The following DMXL1 variants were observed in gnomAD, a reference collection of about 807,000 sequenced individuals.
DMXL1 encodes dmX-like protein 1.
Under a neutral mutation model 319.2 loss-of-function variants are expected in DMXL1, and 99 were observed. The ratio of observed to expected loss-of-function variants is 0.31; its 90% CI spans 0.26 to 0.37. The LOEUF is 0.37. Ranked by LOEUF, DMXL1 falls within the 10% of genes least tolerant of loss-of-function variation. DMXL1 has a pLI of 1.00. For synonymous variants in DMXL1, 1,385 were observed against 1,235.2 expected, an observed-to-expected ratio of 1.12 and a Z score of -2.54; for missense variants, 3,745 against 3,595.6, an observed-to-expected ratio of 1.04 and a Z score of -1.06.
intron 39 of DMXL1, among the ~76,000 whole-genome samples, chr5:119,234,512 GCT>G (rs1787367279): frequency 6.6e-6 from 1 of 151,976 alleles, no homozygotes; most frequent in Non-Finnish European, 1.5e-5. Flanking sequence ...TTATCACATG[GCT>G]CTATTTTCAT....
chr5:119,082,020 T>TACACACACACAC (rs565047535), intron 1 of DMXL1, among the ~76,000 whole-genome samples: 1 of 108,162 alleles, frequency 9.2e-6, no homozygotes, highest in Non-Finnish European at 1.7e-5. Flanking sequence ...TATATATATA[T>TACACACACACAC]ACACACACAC....
chr5:119,143,050 G>A (rs1412286373), intron 13 of DMXL1, among the ~76,000 whole-genome samples: 1 of 151,952 alleles, frequency 6.6e-6, no homozygotes, highest in Non-Finnish European at 1.5e-5. Context: ...CCAAAGAATG[G>A]AAAAACAGAC....
intron 9 of DMXL1, among the ~76,000 whole-genome samples, chr5:119,122,113 C>T (rs1196995309): frequency 4.4e-5 from 6 of 136,100 alleles, no homozygotes; most frequent in Non-Finnish European, 8.0e-5. Flanking sequence ...CCCTCCCGGA[C>T]GGGGCGGCTG....
intron 19 of DMXL1, among the ~76,000 whole-genome samples, chr5:119,152,238 TAATG>T (rs1448815597): frequency 6.6e-6 from 1 of 152,312 alleles, no homozygotes; most frequent in African/African-American, 2.4e-5. Flanking sequence ...CAAAAGGAGT[TAATG>T]AAGAAACATA....
intron 26 of DMXL1, 105 bp from the exon 27 acceptor site, chr5:119,177,252 C>A: frequency 1.5e-6 from 1 of 660,154 alleles, no homozygotes; most frequent in Non-Finnish European, 2.4e-6. Context: ...GATGTACTAG[C>A]AGTATAATTA....
chr5:119,077,656 ATGTGTGTGTGTATATATATGTGTGTGTG>A (rs1349226090), intron 1 of DMXL1, among the ~76,000 whole-genome samples: 29 of 104,336 alleles, frequency 2.8e-4, no homozygotes, highest in Non-Finnish European at 4.5e-4. Flanking sequence ...TTTTTTGTAT[ATGTGTGTGTGTATATATATGTGTGTGTG>A]TGTGTGTGTG....
rs372483214 is a variant in DMXL1 at position 119,216,963 on chromosome 5, C to A, written c.7989C>A (p.Ile2663=). 3.1e-6 allele frequency: 5 copies of A among 1,594,290 alleles called. No homozygotes were observed. The African/African-American group carries it at 5.4e-5, about 17-fold the overall frequency. ...GAATTATTCATAAGGAATCTGATAT[C>A]ATTACTGCGTTTGCTGTTAATAAGG... ...KARIIHKESD[I]ITAFAVNKAN... is the part of the protein sequence containing the mutation. The change falls in exon 35 of 44, where the codon ATC becomes ATA. Residue 2663 remains isoleucine (I), a synonymous_variant. Coordinates refer to ENST00000539542, the MANE Select transcript of DMXL1 (RefSeq NM_001290321.3).
intron 34 of DMXL1, among the ~76,000 whole-genome samples, chr5:119,213,136 A>G (rs1783093431): frequency 6.6e-6 from 1 of 152,138 alleles, no homozygotes; most frequent in African/African-American, 2.4e-5. Flanking sequence ...TCTGTAGCAA[A>G]TTTGTTTTTT....
chr5:119,134,478 C>T (rs1383381926), intron 13 of DMXL1, 89 bp downstream of exon 13: 15 of 1,130,912 alleles, frequency 1.3e-5, no homozygotes, highest in East Asian at 2.4e-5. Context: ...CAATTGTGAC[C>T]TATAATTTGT....
intron 20 of DMXL1, 34 bp downstream of exon 20, chr5:119,164,710 A>C: frequency 1.3e-6 from 2 of 1,536,202 alleles, no homozygotes; most frequent in Non-Finnish European, 1.8e-6. Flanking sequence ...AAGTGAATTA[A>C]TATTTTTTGG....
chr5:119,114,744 C>T (rs1423116599), intron 6 of DMXL1, among the ~76,000 whole-genome samples: 1 of 152,200 alleles, frequency 6.6e-6, no homozygotes, highest in Non-Finnish European at 1.5e-5. Flanking sequence ...TCTCGGCTCA[C>T]TGCAGCCTCT....
intron 38 of DMXL1, among the ~76,000 whole-genome samples, chr5:119,225,098 T>C (rs1785298638): frequency 6.6e-6 from 1 of 151,998 alleles, no homozygotes; most frequent in Non-Finnish European, 1.5e-5. Context: ...TGGATTTCTT[T>C]GATCATGCTA....
At chr5:119,164,807 C>A in intron 20 of DMXL1, 131 bp downstream of exon 20, 1 of 706,174 alleles carries the variant, frequency 1.4e-6, no homozygotes, top group Non-Finnish European at 2.2e-6. Flanking sequence ...ATAGTCTTTA[C>A]ATTTCATTTA....
At chr5:119,181,261 T>G (rs138416882) in intron 28 of DMXL1, among the ~76,000 whole-genome samples, 21 of 152,334 alleles carry the variant, frequency 1.4e-4, no homozygotes, top group African/African-American at 4.8e-4. Flanking sequence ...TCTATATGTT[T>G]AACCTCAGCC....
chr5:119,200,388 G>A lies in DMXL1; in HGVS notation c.7745+2432G>A, dbSNP rs560522498. 3.3e-5 allele frequency among the ~76,000 whole-genome samples: 5 copies of A among 152,206 alleles called. No individual in the cohort carries two copies. In the East Asian group the frequency reaches 5.8e-4, roughly 18 times the overall value. On this transcript the variant is annotated intron_variant, in intron 32 of 43. Transcript: ENST00000539542. ...TGTCAAAGATCAGATGGCCAGAGGC[G>A]TGTCACCTTACTTCCCAGTTCTCTA...
At chr5:119,104,608 A>T (rs75166479) in intron 3 of DMXL1, among the ~76,000 whole-genome samples, 1 of 152,208 alleles carries the variant, frequency 6.6e-6, no homozygotes, top group South Asian at 2.1e-4. Flanking sequence ...AGAGTATGTC[A>T]CATGTAATAA....
intron 28 of DMXL1, among the ~76,000 whole-genome samples, chr5:119,185,436 C>G (rs1472583904): frequency 1.3e-5 from 2 of 152,082 alleles, no homozygotes; most frequent in African/African-American, 4.8e-5. Context: ...TGGTAATGAT[C>G]CTAGGAAGAC....
intron 4 of DMXL1, among the ~76,000 whole-genome samples, chr5:119,107,971 G>C (rs1463987819): frequency 6.6e-6 from 1 of 152,170 alleles, no homozygotes; most frequent in Admixed American, 6.5e-5. Flanking sequence ...TACCCAACTA[G>C]ATCAAATTCA....
In DMXL1 at chr5:119,150,042, A is replaced by G; in HGVS notation, c.4215A>G (p.Pro1405=). ...TDYTEIDSVP[P]LPLYALLAAD... ...ACACAGAAATAGATTCTGTTCCTCC[A>G]CTTCCTTTATATGCCTTACTTGCAG... Residue 1405 remains proline, a synonymous_variant, in exon 18 of 44, where the codon CCA becomes CCG. Coordinates refer to ENST00000539542, the MANE Select transcript of DMXL1 (RefSeq NM_001290321.3). 1 of 1,613,918 alleles carries G rather than the reference A, an allele frequency of 6.2e-7. No individual in the cohort carries two copies. Among genetic ancestry groups the G allele is most frequent in the Non-Finnish European group, 8.5e-7 (1 of 1,179,910 alleles).
Sources: gnomAD v4.1 joint callset for allele counts (sites outside exome capture counted in the v4.1 genomes callset) on GRCh38, gnomAD v4.1.1 for gene constraint, MANE v1.5 for transcripts, NCBI Gene and HGNC (gene_info 2026-07-23, HGNC 2026-07-21) for gene names.